LONRF2: variants seen among roughly 807,000 people sequenced by gnomAD.
The protein encoded by LONRF2 is LON peptidase N-terminal domain and RING finger protein 2.
A neutral mutation model predicts 66.6 loss-of-function variants in LONRF2; 35 were observed. The observed-to-expected ratio is 0.53, with a 90% CI of 0.40 to 0.70. LONRF2 has a LOEUF of 0.70. Ranked by LOEUF, LONRF2 falls within the 30% of genes least tolerant of loss-of-function variation. LONRF2 has a pLI of 0.00. For synonymous variants in LONRF2, 417 were observed against 418.1 expected, an observed-to-expected ratio of 1.00 and a Z score of 0.03; for missense variants, 902 against 1,002.1, an observed-to-expected ratio of 0.90 and a Z score of 1.35.
intron 1 of LONRF2, among the ~76,000 whole-genome samples, chr2:100,314,212 T>A (rs1014663063): frequency 6.6e-6 from 1 of 152,216 alleles, no homozygotes; most frequent in African/African-American, 2.4e-5. Flanking sequence ...TACAAACTTA[T>A]GCTTCCATCA....
At position 100,278,605 on chromosome 2, in the gene LONRF2, T is replaced by G. The variant is rs1042735621; in HGVS notation, c.*5693A>C. On this transcript the variant is annotated 3_prime_UTR_variant, in exon 12 of 12. Transcript: ENST00000393437. The stretch of plus-strand genomic sequence containing the variant: ...GACCCAGACCCTCCAGGTAAGCCAC[T>G]GTTTCAACCAAACGCGGCAAATGCT... 4.6e-5 allele frequency: 7 copies of G among 152,166 alleles called. No homozygotes were observed. Among genetic ancestry groups the G allele is most frequent in the Non-Finnish European group, 1.0e-4 (7 of 68,044 alleles). The allele number at this position is 152,166 out of a possible 1,614,324, so 9.4% of individuals were successfully genotyped here.
In LONRF2 at chr2:100,275,209, G is replaced by A. The variant is rs1186850607; in HGVS notation, c.*9089C>T. 6.6e-6 allele frequency: 1 copy of A among 152,230 alleles called. No individual in the cohort carries two copies. The highest frequency in any genetic ancestry group is 1.5e-5 in the Non-Finnish European group (1 of 68,074). 9.4% of individuals were successfully genotyped at this position (152,230 alleles called of 1,614,324 possible). On this transcript the variant is annotated 3_prime_UTR_variant, in exon 12 of 12. Transcript: ENST00000393437. ...GCAGTCCCCTACACAGGACCTTCTGGGTATAATTGTATAATTGGATGCACT... is the reference window on the plus strand; with the variant it reads ...GCAGTCCCCTACACAGGACCTTCTGAGTATAATTGTATAATTGGATGCACT...
chr2:100,295,611 T>C (rs1675049927), intron 7 of LONRF2, 58 bp from the exon 8 acceptor site: 2 of 1,552,662 alleles, frequency 1.3e-6, no homozygotes, highest in African/African-American at 1.4e-5. Context: ...AGGACGAAGC[T>C]TCCGAGTGGA....
At chr2:100,302,214 C>T (rs1255059205) in intron 3 of LONRF2, among the ~76,000 whole-genome samples, 1 of 152,152 alleles carries the variant, frequency 6.6e-6, no homozygotes, top group Non-Finnish European at 1.5e-5. Context: ...GAATGTTTGG[C>T]CCACAGGGTG....
intron 7 of LONRF2, among the ~76,000 whole-genome samples, chr2:100,298,559 A>T (rs1255521508): frequency 6.6e-6 from 1 of 152,242 alleles, no homozygotes; most frequent in Non-Finnish European, 1.5e-5. Flanking sequence ...AACCATTTAC[A>T]ATGAACGTAA....
rs1357804162 is a variant in LONRF2 at position 100,283,238 on chromosome 2, A to G, written c.*1060T>C. On this transcript the variant is annotated 3_prime_UTR_variant, in exon 12 of 12. Coordinates refer to ENST00000393437, the MANE Select transcript of LONRF2 (RefSeq NM_198461.4). ...CTTTCAAAAAAATAAAGATAATTTT[A>G]GGTTGGTGTTGGAGAAAAACTTACT... The G allele has an allele frequency of 6.6e-6, 1 of 152,236 alleles. No individual in the cohort carries two copies. The highest frequency in any genetic ancestry group is 1.9e-4 in the East Asian group (1 of 5,208). The allele number at this position is 152,236 out of a possible 1,614,324, so 9.4% of individuals were successfully genotyped here. A position where few individuals can be genotyped will look rare whatever the true frequency, so the allele number is the denominator to read the frequency against.
Position 100,284,081 on chromosome 2 carries a change from T to C in LONRF2, c.*217A>G, listed in dbSNP as rs1674794589. On this transcript the variant is annotated 3_prime_UTR_variant, in exon 12 of 12. Coordinates refer to ENST00000393437, the MANE Select transcript of LONRF2 (RefSeq NM_198461.4). ...ATTTTCTTAGGTTGTTTTCCAACTA[T>C]GGGCTCCATTCAGACTTCAGGCTAA... The C allele has an allele frequency of 2.2e-6, 1 of 460,882 alleles. No individual in the cohort carries two copies. Among genetic ancestry groups the C allele is most frequent in the South Asian group, 4.4e-5 (1 of 22,750 alleles). 28.5% of individuals were successfully genotyped at this position (460,882 alleles called of 1,614,324 possible). A position where few individuals can be genotyped will look rare whatever the true frequency, so the allele number is the denominator to read the frequency against.
At chr2:100,321,009 C>T (rs971611517) in intron 1 of LONRF2, among the ~76,000 whole-genome samples, 6 of 152,140 alleles carry the variant, frequency 3.9e-5, no homozygotes, top group Non-Finnish European at 7.4e-5. Flanking sequence ...AAACCCAAAG[C>T]AAATCTTGCC....
intron 1 of LONRF2, chr2:100,309,432 G>C: frequency 3.7e-6 from 1 of 272,012 alleles, no homozygotes; most frequent in Non-Finnish European, 6.8e-6. Flanking sequence ...GTATATTTTA[G>C]ACAGCTCCTC....
At chr2:100,293,079 G>C (rs1347413336) in intron 9 of LONRF2, among the ~76,000 whole-genome samples, 2 of 152,028 alleles carry the variant, frequency 1.3e-5, no homozygotes, top group Admixed American at 6.6e-5. Flanking sequence ...GCCAGATCTG[G>C]GCTTAGTCTT....
chr2:100,309,308 T>C (rs982248123), intron 1 of LONRF2, 83 bp from the exon 2 acceptor site: 35 of 775,916 alleles, frequency 4.5e-5, no homozygotes, highest in Non-Finnish European at 7.3e-5. Flanking sequence ...TATATTAAAG[T>C]GTATATATAC....
At chr2:100,291,875 CA>C (rs1447689158) in intron 9 of LONRF2, among the ~76,000 whole-genome samples, 1 of 152,146 alleles carries the variant, frequency 6.6e-6, no homozygotes, top group Non-Finnish European at 1.5e-5. Context: ...CTCACGCTAC[CA>C]CGTGCCAAGC....
chr2:100,309,129 T>C lies in LONRF2; in HGVS notation c.776A>G (p.Gln259Arg). 3 of 1,596,284 alleles carry C rather than the reference T, an allele frequency of 1.9e-6. No individual in the cohort carries two copies. Among genetic ancestry groups the C allele is most frequent in the Non-Finnish European group, 2.6e-6 (3 of 1,173,428 alleles). ...QALQDASAAC[Q>R]NEPLLIKGHQ... ...TACCTTAATCAAGAGAGGTTCATTC[T>C]GACAAGCTGCACTGGCATCTTGGAG... Residue 259 changes from glutamine (Q) to arginine (R), a missense_variant, in exon 2 of 12, where the codon CAG becomes CGG. Transcript: ENST00000393437.
At chr2:100,314,838 CA>C (rs1675474457) in intron 1 of LONRF2, among the ~76,000 whole-genome samples, 1 of 152,110 alleles carries the variant, frequency 6.6e-6, no homozygotes, top group Non-Finnish European at 1.5e-5. Flanking sequence ...GAGTCAGTTT[CA>C]ATGTGTCTAT....
Position 100,298,844 on chromosome 2 carries a change from G to A in LONRF2, c.1468C>T (p.Leu490Phe), listed in dbSNP as rs1288171697. ...TCCTAAAGTGTACTTACTTCCGAAA[G>A]TTTGTCTTTGCACAAAGGACAGTGT... is the stretch of plus-strand genomic sequence containing the variant. ...APHCPLCKDK[L>F]SELLASRNFN... The change falls in exon 7 of 12, where the codon CTT becomes TTT. Residue 490 changes from leucine to phenylalanine, a missense_variant. By Grantham distance (22) the Leu-to-Phe change is conservative. Around this residue, in one of 2 missense-constraint regions of LONRF2, gnomAD observed 317 missense variants for 432.2 expected, o/e 0.73. Coordinates refer to ENST00000393437, the MANE Select transcript of LONRF2 (RefSeq NM_198461.4). 2 of 1,613,420 alleles carry A rather than the reference G, an allele frequency of 1.2e-6. No individual in the cohort carries two copies. The highest frequency in any genetic ancestry group is 1.1e-5 in the South Asian group (1 of 91,064).
chr2:100,299,694 C>T, intron 5 of LONRF2, 23 bp downstream of exon 5: 2 of 1,601,356 alleles, frequency 1.2e-6, no homozygotes, highest in Non-Finnish European at 1.7e-6. Context: ...CACAGAACTG[C>T]CTGATGAAAA....
intron 1 of LONRF2, among the ~76,000 whole-genome samples, chr2:100,312,818 C>A (rs1421311072): frequency 6.6e-6 from 1 of 152,186 alleles, no homozygotes; most frequent in Non-Finnish European, 1.5e-5. Context: ...AAGGATTAAA[C>A]CTTAGGCTCA....
chr2:100,299,964 T>A, intron 4 of LONRF2, 46 bp from the exon 5 acceptor site: 1 of 1,127,528 alleles, frequency 8.9e-7, no homozygotes. Context: ...AAAGAAATCA[T>A]AGCATAAGAG....
At chr2:100,309,086 A>C in intron 2 of LONRF2, 21 bp downstream of exon 2, 3 of 1,452,880 alleles carry the variant, frequency 2.1e-6, no homozygotes, top group Non-Finnish European at 2.8e-6. Context: ...GATTATCTCC[A>C]AAGCTAACAA....
Sources: gnomAD v4.1 joint callset for allele counts (sites outside exome capture counted in the v4.1 genomes callset) on GRCh38, gnomAD v4.1.1 for gene constraint, gnomAD v4.1.1 regional missense constraint, MANE v1.5 for transcripts, NCBI Gene and HGNC (gene_info 2026-07-23, HGNC 2026-07-21) for gene names.